CFAP57: variants seen among roughly 807,000 people sequenced by gnomAD.
CFAP57 encodes the protein cilia- and flagella-associated protein 57.
Under a neutral mutation model 146.8 loss-of-function variants are expected in CFAP57, and 116 were observed. The observed-to-expected ratio is 0.79, with a 90% CI of 0.68 to 0.92. The LOEUF is 0.92. Among genes scored for constraint, CFAP57 ranks in the 40% least tolerant of loss-of-function variants. CFAP57 has a pLI of 0.00. For synonymous variants in CFAP57, 518 were observed against 552.8 expected (o/e 0.94, Z 0.88); for missense variants, 1,377 against 1,527.2 (o/e 0.90, Z 1.64).
chr1:43,224,342 G>T lies in CFAP57; in HGVS notation c.2865+138G>T, dbSNP rs917443737. The T allele has an allele frequency of 3.9e-6, 4 of 1,014,674 alleles. No individual in the cohort carries two copies. In the African/African-American group the frequency reaches 4.9e-5, roughly 12 times the overall value. 62.9% of individuals were successfully genotyped at this position (1,014,674 alleles called of 1,614,324 possible). ...GATGGGGGAACCAGCCGTCAGTGAAGTGCCTGTTGTGTGCTTGGCACTGGG... is the reference window on the plus strand; with the variant it reads ...GATGGGGGAACCAGCCGTCAGTGAATTGCCTGTTGTGTGCTTGGCACTGGG... On this transcript the variant is annotated intron_variant, in intron 17 of 22. Coordinates refer to ENST00000372492, the MANE Select transcript of CFAP57 (RefSeq NM_001378189.1).
At chr1:43,208,810 G>GA (rs35475438) in intron 10 of CFAP57, among the ~76,000 whole-genome samples, 2 of 150,924 alleles carry the variant, frequency 1.3e-5, no homozygotes, top group Non-Finnish European at 1.5e-5. Context: ...AATAATAAAA[G>GA]AAAAAAAAAA....
At chr1:43,210,265 A>T in intron 11 of CFAP57, 1 of 1,466,142 alleles carries the variant, frequency 6.8e-7, no homozygotes. Flanking sequence ...CCAGACTGAA[A>T]GGAGCCATAG....
chr1:43,212,935 CAAAA>C (rs374038535), intron 11 of CFAP57, among the ~76,000 whole-genome samples: 7 of 129,102 alleles, frequency 5.4e-5, no homozygotes, highest in Admixed American at 2.4e-4. Flanking sequence ...GACTCTATCT[CAAAA>C]AAAAAAAAAA....
At chr1:43,194,099 T>TAAAG (rs1643715102) in intron 6 of CFAP57, among the ~76,000 whole-genome samples, 1 of 152,168 alleles carries the variant, frequency 6.6e-6, no homozygotes, top group Non-Finnish European at 1.5e-5. Context: ...TGGAGTAACT[T>TAAAG]GCTTTCAACC....
At chr1:43,208,491 G>A (rs1416960676) in intron 10 of CFAP57, among the ~76,000 whole-genome samples, 1 of 152,220 alleles carries the variant, frequency 6.6e-6, no homozygotes, top group Non-Finnish European at 1.5e-5. Flanking sequence ...CATGTCCTTT[G>A]TAGGGACGTG....
chr1:43,222,365 G>A (rs1428248923), intron 15 of CFAP57, 70 bp downstream of exon 15: 2 of 1,317,626 alleles, frequency 1.5e-6, no homozygotes, highest in East Asian at 2.8e-5. Flanking sequence ...AGATCTCCAT[G>A]GCATAGCCAC....
At chr1:43,196,251 G>A (rs571205141) in intron 6 of CFAP57, among the ~76,000 whole-genome samples, 1 of 152,272 alleles carries the variant, frequency 6.6e-6, no homozygotes, top group East Asian at 1.9e-4. Context: ...CATTGCTTTT[G>A]TTTTTAAGAC....
intron 10 of CFAP57, among the ~76,000 whole-genome samples, 167 bp downstream of exon 10, chr1:43,207,099 G>A (rs1048622130): frequency 2.6e-5 from 4 of 152,194 alleles, no homozygotes; most frequent in East Asian, 1.9e-4. Flanking sequence ...CTCAGTTATC[G>A]TCACTTCCTG....
At position 43,172,380 on chromosome 1, in the gene CFAP57, C is replaced by A. The variant is rs1164986478; in HGVS notation, c.-93C>A. Reference sequence around the variant, plus strand: ...AACCGCTACGGCGTTTGAAAGTGTCCGGGTTGCTTAGGATCCCTACAGGTA... The same window carrying A: ...AACCGCTACGGCGTTTGAAAGTGTCAGGGTTGCTTAGGATCCCTACAGGTA... On this transcript the variant is annotated 5_prime_UTR_variant, in exon 1 of 23. Transcript: ENST00000372492. 6.4e-7 allele frequency: 1 copy of A among 1,551,480 alleles called. No homozygotes were observed. Among genetic ancestry groups the A allele is most frequent in the African/African-American group, 1.4e-5 (1 of 73,080 alleles).
rs764621294 is a variant in CFAP57, at chr1:43,209,737, T to C, written c.1756-6T>C. On this transcript the variant is annotated splice_region_variant and splice_polypyrimidine_tract_variant and intron_variant, in intron 10 of 22. Transcript: ENST00000372492. ...CTCACACTGAGCAGAGCTGCCTGTG[T>C]CTCAGATCCTTCGAGAGATATCGGC... The C allele has an allele frequency of 2.5e-6, 4 of 1,613,632 alleles. No individual in the cohort carries two copies. The highest frequency in any genetic ancestry group is 3.4e-6 in the Non-Finnish European group (4 of 1,179,810).
At chr1:43,196,790 C>T (rs1569991561) in intron 6 of CFAP57, among the ~76,000 whole-genome samples, 1 of 152,106 alleles carries the variant, frequency 6.6e-6, no homozygotes, top group Non-Finnish European at 1.5e-5. Context: ...TGCAGTCTCT[C>T]CAGAGAGAAA....
intron 4 of CFAP57, among the ~76,000 whole-genome samples, chr1:43,184,206 G>A (rs1240480094): frequency 6.6e-6 from 1 of 152,160 alleles, no homozygotes; most frequent in Non-Finnish European, 1.5e-5. Flanking sequence ...AGCCCTTGTA[G>A]TATGCAAAAG....
intron 9 of CFAP57, among the ~76,000 whole-genome samples, chr1:43,202,955 C>T (rs1269513700): frequency 6.6e-6 from 1 of 151,998 alleles, no homozygotes; most frequent in Admixed American, 6.6e-5. Context: ...GGGCGGATCA[C>T]GAGGTCAGGA....
chr1:43,214,033 C>T (rs1292707326), intron 11 of CFAP57, among the ~76,000 whole-genome samples: 5 of 151,856 alleles, frequency 3.3e-5, no homozygotes, highest in African/African-American at 1.2e-4. Context: ...ATTACCGTGC[C>T]TGCCACCACG....
At chr1:43,229,152 C>T (rs1645372198) in intron 18 of CFAP57, among the ~76,000 whole-genome samples, 1 of 148,936 alleles carries the variant, frequency 6.7e-6, no homozygotes. Context: ...ACCACAGGCC[C>T]CTGGAAATCA....
chr1:43,226,501 T>C (rs889262581), intron 17 of CFAP57, among the ~76,000 whole-genome samples: 1 of 152,178 alleles, frequency 6.6e-6, no homozygotes, highest in African/African-American at 2.4e-5. Context: ...CCTCCCCCAA[T>C]GCAGGTGTCC....
chr1:43,175,804 C>T (rs186676087), intron 2 of CFAP57, among the ~76,000 whole-genome samples: 135 of 147,340 alleles, frequency 9.2e-4, no homozygotes, highest in African/African-American at 3.0e-3. Flanking sequence ...CCACACCTGA[C>T]GTTCATGTTT....
At chr1:43,218,008 C>T (rs1378103712) in intron 12 of CFAP57, among the ~76,000 whole-genome samples, 2 of 152,198 alleles carry the variant, frequency 1.3e-5, no homozygotes, top group South Asian at 2.1e-4. Context: ...TGACTTTGCA[C>T]GTGCAATTTG....
At chr1:43,172,677 G>A in intron 1 of CFAP57, 58 bp from the exon 2 acceptor site, 1 of 1,534,476 alleles carries the variant, frequency 6.5e-7, no homozygotes, top group Non-Finnish European at 8.9e-7. Context: ...CGGGCCGGGG[G>A]CGGGGTCGGA....
Sources: gnomAD v4.1 joint callset for allele counts (sites outside exome capture counted in the v4.1 genomes callset) on GRCh38, gnomAD v4.1.1 for gene constraint, MANE v1.5 for transcripts, NCBI Gene and HGNC (gene_info 2026-07-23, HGNC 2026-07-21) for gene names.